The following CELSR1 variants were observed in gnomAD, a reference collection of about 807,000 sequenced individuals.
CELSR1 encodes adhesion G protein-coupled receptor C1.
Under a neutral mutation model 249.1 loss-of-function variants are expected in CELSR1, and 110 were observed. The ratio of observed to expected loss-of-function variants is 0.44; its 90% CI spans 0.38 to 0.52. The LOEUF (loss-of-function observed/expected upper bound fraction) is 0.52, where lower values mean the gene tolerates loss of function less well. Among genes scored for constraint, CELSR1 ranks in the 20% least tolerant of loss-of-function variants. The probability of loss-of-function intolerance (pLI) is 0.00; values close to 1 mark genes in which losing one functional copy is unlikely to be tolerated. For synonymous variants in CELSR1, 2,113 were observed against 1,900.0 expected, an observed-to-expected ratio of 1.11 and a Z score of -2.92; for missense variants, 4,109 against 4,296.4, an observed-to-expected ratio of 0.96 and a Z score of 1.22.
chr22:46,527,433 G>A lies in CELSR1; in HGVS notation c.3544+6194C>T, dbSNP rs1449894096. Reference sequence around the variant, plus strand: ...GACCCGGGGGATCCATCTGACTCCCGGTCTCCCTGCCCATCACACACTGCA... The same window carrying A: ...GACCCGGGGGATCCATCTGACTCCCAGTCTCCCTGCCCATCACACACTGCA... On this transcript the variant is annotated intron_variant, in intron 1 of 34. Transcript: ENST00000674500. The surrounding 1 kb of genome is among the most constrained non-coding windows in gnomAD (Gnocchi z 5.5). Among the ~76,000 whole-genome samples, 8 of 152,066 alleles carry A rather than the reference G, an allele frequency of 5.3e-5. No homozygotes were observed. The highest frequency in any genetic ancestry group is 6.6e-5 in the Admixed American group (1 of 15,256).
At chr22:46,385,435 G>A (rs2079021782) in intron 19 of CELSR1, among the ~76,000 whole-genome samples, 1 of 152,050 alleles carries the variant, frequency 6.6e-6, no homozygotes, top group South Asian at 2.1e-4. Flanking sequence ...CCAACTTCCT[G>A]CATCCCGCCT....
Position 46,499,185 on chromosome 22 carries a change from TAAA to T in CELSR1, c.3544+34439_3544+34441del, listed in dbSNP as rs10606942. Among the ~76,000 whole-genome samples the T allele has an allele frequency of 2.8e-3, 373 of 130,920 alleles. 1 individual carries two copies. Among genetic ancestry groups the T allele is most frequent in the African/African-American group, 3.3e-3 (113 of 34,354 alleles). 85.9% of individuals were successfully genotyped at this position (130,920 alleles called of 152,430 possible). ...ATAGAGTAAGACTCTGTTGCAAATC[TAAA>T]AAAAAAAAAAAAAAAAAGTTAAACA... is the stretch of plus-strand genomic sequence containing the variant. On this transcript the variant is annotated intron_variant, in intron 1 of 34. Transcript: ENST00000674500.
chr22:46,533,859 G>C lies in CELSR1; in HGVS notation c.3312C>G (p.Phe1104Leu), dbSNP rs554300849. The change falls in exon 1 of 35, where the codon TTC becomes TTG. Residue 1104 changes from phenylalanine (F) to leucine (L), a missense_variant. Phe to Leu is a conservative substitution (Grantham distance 22). Transcript: ENST00000674500. The part of the protein sequence containing the change: ...QNDNPPVLPD[F>L]QILFNNYVTN... ...TGACATAGTTGTTGAAGAGGATCTG[G>C]AAGTCGGGCAGCACAGGCGGGTTGT... is the stretch of plus-strand genomic sequence containing the variant. The C allele has an allele frequency of 1.2e-4, 192 of 1,613,918 alleles. No homozygotes were observed. In the South Asian group the frequency reaches 1.7e-3, roughly 14 times the overall value.
In CELSR1 at chr22:46,536,859, GC is replaced by G; in HGVS notation, c.311del (p.Arg104ProfsTer140). 8.1e-7 allele frequency: 1 copy of G among 1,233,272 alleles called. No individual in the cohort carries two copies. Among genetic ancestry groups the G allele is most frequent in the South Asian group, 2.4e-5 (1 of 41,010 alleles). 76.4% of individuals were successfully genotyped at this position (1,233,272 alleles called of 1,614,324 possible). ...ARSAPTALSR[R>X]LRARTHLPGC... ...CGGGAAGGTGCGTGCGCGCCCGCAG[GC>G]GGCGGCTCAGCGCCGTCGGGGCACT... On this transcript the variant is annotated frameshift_variant, in exon 1 of 35. Coordinates refer to ENST00000674500, the MANE Select transcript of CELSR1 (RefSeq NM_001378328.1). LOFTEE classifies it high-confidence loss of function.
rs903990857 is a variant in CELSR1 at position 46,488,452 on chromosome 22, C to G, written c.3545-24107G>C. Among the ~76,000 whole-genome samples, 1 of 152,156 alleles carries G rather than the reference C, an allele frequency of 6.6e-6. No homozygotes were observed. Among genetic ancestry groups the G allele is most frequent in the Non-Finnish European group, 1.5e-5 (1 of 68,012 alleles). On this transcript the variant is annotated intron_variant, in intron 1 of 34. Coordinates refer to ENST00000674500, the MANE Select transcript of CELSR1 (RefSeq NM_001378328.1). The surrounding 1 kb of genome is among the most constrained non-coding windows in gnomAD (Gnocchi z 4.7). ...TAGTGCCATAGAGCGTGCACCTAGG[C>G]GTGCGTGCCAGTGAGCTCAGTGGGA...
Position 46,423,546 on chromosome 22 carries a change from G to A in CELSR1, c.4611+9847C>T, listed in dbSNP as rs545762781. Among the ~76,000 whole-genome samples, 11 of 149,980 alleles carry A rather than the reference G, an allele frequency of 7.3e-5. No individual in the cohort carries two copies. The highest frequency in any genetic ancestry group is 2.1e-4 in the South Asian group (1 of 4,700). On this transcript the variant is annotated intron_variant, in intron 5 of 34. Transcript: ENST00000674500. The surrounding 1 kb of genome is among the most constrained non-coding windows in gnomAD (Gnocchi z 5.6). ...CTTGAACCTGGGAGGCAGAGGTTGC[G>A]GTGAGCCGAGATCGCGCCTTTACAC...
At chr22:46,404,763 A>G (rs964924624) in intron 9 of CELSR1, among the ~76,000 whole-genome samples, 2 of 152,048 alleles carry the variant, frequency 1.3e-5, no homozygotes, top group Non-Finnish European at 2.9e-5. Flanking sequence ...TGGTAGGATT[A>G]CATCCATGAG....
At position 46,373,000 on chromosome 22, in the gene CELSR1, A is replaced by C; in HGVS notation, c.7642T>G (p.Trp2548Gly). The C allele has an allele frequency of 1.9e-6, 3 of 1,613,084 alleles. No homozygotes were observed. The highest frequency in any genetic ancestry group is 2.5e-6 in the Non-Finnish European group (3 of 1,179,800). ...LHYIYMSTFA[W>G]TLVESLHVYR... is the part of the protein sequence containing the mutation. ...ACATGCAGGCTCTCCACGAGGGTCC[A>C]GGCAAAGGTGCTCATGTAGATGTAG... The change falls in exon 25 of 35, where the codon TGG (tryptophan) becomes GGG (glycine). Residue 2548 changes from tryptophan (W) to glycine (G), a missense_variant. This residue lies in a region of CELSR1 where 1,805 missense variants were observed against 1,831.6 expected (regional missense o/e 0.99). Coordinates refer to ENST00000674500, the MANE Select transcript of CELSR1 (RefSeq NM_001378328.1).
intron 2 of CELSR1, among the ~76,000 whole-genome samples, chr22:46,461,182 G>C (rs957776329): frequency 3.9e-5 from 6 of 152,178 alleles, no homozygotes; most frequent in African/African-American, 1.2e-4. Context: ...AAGAGGGACG[G>C]AGTAGAAATA....
chr22:46,529,645 A>G (rs1412897275), intron 1 of CELSR1, among the ~76,000 whole-genome samples: 1 of 151,948 alleles, frequency 6.6e-6, no homozygotes, highest in Admixed American at 6.5e-5. Flanking sequence ...TCTAAGAAAC[A>G]TACAAAAATT....
rs577484227 is a variant in CELSR1, at chr22:46,481,602, C to A, written c.3545-17257G>T. The A allele has an allele frequency of 8.1e-6, 6 of 742,832 alleles. No homozygotes were observed. The African/African-American group carries it at 1.0e-4, about 13-fold the overall frequency. The allele number at this position is 742,832 out of a possible 1,614,324, so 46.0% of individuals were successfully genotyped here. ...ACTCGATGCACTGGTGCACCTGCTC[C>A]GTGGAGGCCTGACTGTCCTCACAAC... On this transcript the variant is annotated intron_variant, in intron 1 of 34. Coordinates refer to ENST00000674500, the MANE Select transcript of CELSR1 (RefSeq NM_001378328.1).
At chr22:46,520,903 C>T (rs144097617) in intron 1 of CELSR1, among the ~76,000 whole-genome samples, 2 of 152,178 alleles carry the variant, frequency 1.3e-5, no homozygotes, top group Admixed American at 1.3e-4. Context: ...CTCCCCACCC[C>T]CTGGCAACCA....
intron 1 of CELSR1, among the ~76,000 whole-genome samples, chr22:46,489,052 C>T (rs1279856840): frequency 6.6e-6 from 1 of 152,100 alleles, no homozygotes; most frequent in Non-Finnish European, 1.5e-5. Flanking sequence ...CACCCCATGG[C>T]AGGGCAGGGC....
At chr22:46,498,367 T>G (rs1216886976) in intron 1 of CELSR1, among the ~76,000 whole-genome samples, 1 of 148,048 alleles carries the variant, frequency 6.8e-6, no homozygotes, top group East Asian at 2.0e-4. Flanking sequence ...CCCAGCACTC[T>G]GGGAGGCCAA....
At position 46,445,183 on chromosome 22, in the gene CELSR1, C is replaced by T. The variant is rs1021308792; in HGVS notation, c.4184-5772G>A. On this transcript the variant is annotated intron_variant, in intron 2 of 34. Coordinates refer to ENST00000674500, the MANE Select transcript of CELSR1 (RefSeq NM_001378328.1). This position sits in a 1 kb window ranked among gnomAD's most constrained non-coding sequence, Gnocchi z 4.4. Reference sequence around the variant, plus strand: ...CATAGTCCAGTCTGGGTGACAAGAGCGAAACTCCACCTCAAAAATAAAAAA... The same window carrying T: ...CATAGTCCAGTCTGGGTGACAAGAGTGAAACTCCACCTCAAAAATAAAAAA... 6.6e-6 allele frequency among the ~76,000 whole-genome samples: 1 copy of T among 151,410 alleles called. No homozygotes were observed. Among genetic ancestry groups the T allele is most frequent in the Non-Finnish European group, 1.5e-5 (1 of 67,916 alleles).
At position 46,373,087 on chromosome 22, in the gene CELSR1, C is replaced by T. The variant is rs750136092; in HGVS notation, c.7585-30G>A. The T allele has an allele frequency of 3.9e-6, 6 of 1,548,366 alleles. No individual in the cohort carries two copies. In the South Asian group the frequency reaches 6.1e-5, roughly 16 times the overall value. On this transcript the variant is annotated intron_variant, in intron 24 of 34. Coordinates refer to ENST00000674500, the MANE Select transcript of CELSR1 (RefSeq NM_001378328.1). The stretch of plus-strand genomic sequence containing the variant: ...GCAGGGAGGGGCCGCTCAGCAAGGG[C>T]CCCTGCATCCCAGGCTGAGGTCAGA...
chr22:46,519,082 C>A (rs550613954), intron 1 of CELSR1, among the ~76,000 whole-genome samples: 1 of 151,654 alleles, frequency 6.6e-6, no homozygotes, highest in Admixed American at 6.6e-5. Context: ...CCACGTGCTG[C>A]GCTGTGCACG....
rs541448371 is a variant in CELSR1 at position 46,435,863 on chromosome 22, G to C, written c.4522+311C>G. 3.9e-5 allele frequency among the ~76,000 whole-genome samples: 6 copies of C among 152,168 alleles called. No individual in the cohort carries two copies. The East Asian group carries it at 1.2e-3, about 30-fold the overall frequency. ...TTACAGGCGTGCACCACCACGCCCA[G>C]CTAATTTTTGTACTTTTAGTACAGA... On this transcript the variant is annotated intron_variant, in intron 4 of 34. Coordinates refer to ENST00000674500, the MANE Select transcript of CELSR1 (RefSeq NM_001378328.1).
At position 46,471,360 on chromosome 22, in the gene CELSR1, T is replaced by C. The variant is rs541251472; in HGVS notation, c.3545-7015A>G. Among the ~76,000 whole-genome samples, 13 of 152,050 alleles carry C rather than the reference T, an allele frequency of 8.5e-5. No individual in the cohort carries two copies. The South Asian group carries it at 1.5e-3, about 17-fold the overall frequency. On this transcript the variant is annotated intron_variant, in intron 1 of 34. Coordinates refer to ENST00000674500, the MANE Select transcript of CELSR1 (RefSeq NM_001378328.1). The surrounding 1 kb of genome is among the most constrained non-coding windows in gnomAD (Gnocchi z 4.9). Reference sequence around the variant, plus strand: ...ACCCCACACCCAGGCCCCTATTAGTTACGTTATTACATTAGCATGGTAGGT... The same window carrying C: ...ACCCCACACCCAGGCCCCTATTAGTCACGTTATTACATTAGCATGGTAGGT...
Sources: allele counts gnomAD v4.1 joint callset (sites outside exome capture counted in the v4.1 genomes callset), GRCh38; gene constraint gnomAD v4.1.1; regional missense constraint gnomAD v4.1.1; non-coding constraint Gnocchi (gnomAD v3.1); transcripts MANE v1.5; gene names NCBI Gene and HGNC (gene_info 2026-07-23, HGNC 2026-07-21).